The following LPGAT1 variants were observed in gnomAD, a reference collection of about 807,000 sequenced individuals.
The protein encoded by LPGAT1 is acyl-CoA:lysophosphatidylglycerol acyltransferase 1.
Under a neutral mutation model 47.5 loss-of-function variants are expected in LPGAT1, and 11 were observed. The observed-to-expected ratio is 0.23, with a 90% CI of 0.15 to 0.38. The LOEUF is 0.38. Among genes scored for constraint, LPGAT1 ranks in the 10% least tolerant of loss-of-function variants. The pLI, the probability that LPGAT1 is intolerant of heterozygous loss-of-function variation, is 1.00. For synonymous variants in LPGAT1, 138 were observed against 144.2 expected (o/e 0.96, Z 0.31); for missense variants, 293 against 439.0 (o/e 0.67, Z 2.97).
chr1:211,830,757 C>A lies in LPGAT1; in HGVS notation c.-212G>T, dbSNP rs1660712615. 1.7e-6 allele frequency: 2 copies of A among 1,160,250 alleles called. No individual in the cohort carries two copies. Among genetic ancestry groups the A allele is most frequent in the Non-Finnish European group, 2.1e-6 (2 of 942,186 alleles). The allele number at this position is 1,160,250 out of a possible 1,614,324, so 71.9% of individuals were successfully genotyped here. ...TCCCCAAGGGCCCGGCCGCGTTCGCCCGGACTGGCGGGGAGGGGCGGCGGG... is the reference window on the plus strand; with the variant it reads ...TCCCCAAGGGCCCGGCCGCGTTCGCACGGACTGGCGGGGAGGGGCGGCGGG... On this transcript the variant is annotated 5_prime_UTR_variant, in exon 1 of 8. Coordinates refer to ENST00000366997, the MANE Select transcript of LPGAT1 (RefSeq NM_014873.3). This position sits in a 1 kb window ranked among gnomAD's most constrained non-coding sequence, Gnocchi z 5.9.
chr1:211,798,595 A>G (rs1659444051), intron 2 of LPGAT1, among the ~76,000 whole-genome samples: 1 of 152,118 alleles, frequency 6.6e-6, no homozygotes, highest in Non-Finnish European at 1.5e-5. Context: ...AAGGCAGAGG[A>G]TCTCTTGGGC....
chr1:211,814,043 G>A (rs1043779117), intron 2 of LPGAT1, among the ~76,000 whole-genome samples: 2 of 152,178 alleles, frequency 1.3e-5, no homozygotes, highest in African/African-American at 2.4e-5. Flanking sequence ...TTAGAATTGA[G>A]TGAAAATATC....
chr1:211,756,323 A>G (rs1657448308), intron 6 of LPGAT1, among the ~76,000 whole-genome samples: 1 of 152,150 alleles, frequency 6.6e-6, no homozygotes, highest in Non-Finnish European at 1.5e-5. Flanking sequence ...TAAGCTAACA[A>G]CAGAAAGATG....
Position 211,749,853 on chromosome 1 carries a change from GA to G in LPGAT1, c.*45del. On this transcript the variant is annotated 3_prime_UTR_variant, in exon 8 of 8. Coordinates refer to ENST00000366997, the MANE Select transcript of LPGAT1 (RefSeq NM_014873.3). ...TGTAAAATAATGCACACTTATGAAA[GA>G]AAGTCTGAACTCCTACGGTGACCTT... is the stretch of plus-strand genomic sequence containing the variant. The G allele has an allele frequency of 1.3e-6, 2 of 1,586,004 alleles. No individual in the cohort carries two copies. The highest frequency in any genetic ancestry group is 1.7e-6 in the Non-Finnish European group (2 of 1,165,316).
chr1:211,812,654 A>T (rs563668905), intron 2 of LPGAT1, among the ~76,000 whole-genome samples: 1 of 152,100 alleles, frequency 6.6e-6, no homozygotes, highest in South Asian at 2.1e-4. Context: ...AGTTAAGAAT[A>T]TTGAGAGGAA....
chr1:211,796,310 G>A (rs1659348627), intron 2 of LPGAT1, among the ~76,000 whole-genome samples: 1 of 152,044 alleles, frequency 6.6e-6, no homozygotes, highest in South Asian at 2.1e-4. Flanking sequence ...GGATTAGGGT[G>A]GGCCCTAAAC....
chr1:211,818,036 T>C (rs1024262031), intron 2 of LPGAT1, among the ~76,000 whole-genome samples: 3 of 152,076 alleles, frequency 2.0e-5, no homozygotes, highest in African/African-American at 4.8e-5. Context: ...GTTTTCACCA[T>C]GTTGGCCAGG....
chr1:211,816,255 G>C (rs189361572), intron 2 of LPGAT1, among the ~76,000 whole-genome samples: 311 of 152,098 alleles, frequency 2.0e-3, no homozygotes, highest in South Asian at 5.6e-3. Context: ...ATGTGATTCC[G>C]TGGTTATGAT....
intron 2 of LPGAT1, among the ~76,000 whole-genome samples, chr1:211,825,953 C>T (rs993440003): frequency 1.1e-4 from 16 of 151,690 alleles, no homozygotes; most frequent in Admixed American, 1.0e-3. Flanking sequence ...GAGCAAGACT[C>T]CATCTCAAAA....
At chr1:211,822,273 T>TA (rs2102604991) in intron 2 of LPGAT1, among the ~76,000 whole-genome samples, 1 of 152,338 alleles carries the variant, frequency 6.6e-6, no homozygotes, top group Non-Finnish European at 1.5e-5. Context: ...AATAAGTATC[T>TA]AAAATAAATT....
At chr1:211,798,339 C>G (rs1659431559) in intron 2 of LPGAT1, among the ~76,000 whole-genome samples, 1 of 152,088 alleles carries the variant, frequency 6.6e-6, no homozygotes, top group African/African-American at 2.4e-5. Context: ...TCACTAGTAA[C>G]TAAAAGAGCC....
chr1:211,787,169 G>C (rs561647217), intron 4 of LPGAT1, among the ~76,000 whole-genome samples: 19 of 152,240 alleles, frequency 1.2e-4, no homozygotes, highest in African/African-American at 4.6e-4. Context: ...TGAAATAAAT[G>C]GTTAGGGAAC....
At chr1:211,765,391 C>T (rs1420172585) in intron 6 of LPGAT1, among the ~76,000 whole-genome samples, 1 of 152,014 alleles carries the variant, frequency 6.6e-6, no homozygotes, top group Non-Finnish European at 1.5e-5. Context: ...CTAGGTAGTC[C>T]TTCCATTTCT....
chr1:211,752,116 C>A (rs12145346), intron 6 of LPGAT1, among the ~76,000 whole-genome samples: 12,719 of 152,224 alleles, frequency 0.084, 652 homozygotes, highest in Admixed American at 0.15. Context: ...TGCTAAGCCA[C>A]GGAGTAAATC....
At chr1:211,829,030 G>A (rs1172729199) in intron 2 of LPGAT1, 29 bp downstream of exon 2, 2 of 1,601,884 alleles carry the variant, frequency 1.2e-6, no homozygotes, top group Middle Eastern at 1.7e-4. Context: ...TTTTTCTTAT[G>A]CATTAAAGAA....
chr1:211,804,341 C>G (rs115749199), intron 2 of LPGAT1, among the ~76,000 whole-genome samples: 2 of 152,204 alleles, frequency 1.3e-5, no homozygotes, highest in African/African-American at 4.8e-5. Context: ...TGAGCCACTA[C>G]ACCTGACAAA....
At chr1:211,768,707 A>C (rs1307174098) in intron 6 of LPGAT1, among the ~76,000 whole-genome samples, 3 of 152,230 alleles carry the variant, frequency 2.0e-5, no homozygotes, top group Non-Finnish European at 4.4e-5. Context: ...ATGAGCTTTG[A>C]ATACCATTTT....
intron 2 of LPGAT1, among the ~76,000 whole-genome samples, chr1:211,826,666 G>GATATATATATAT (rs10565966): frequency 9.9e-4 from 148 of 148,806 alleles, no homozygotes; most frequent in African/African-American, 3.5e-3. Flanking sequence ...TTTGGAAAAA[G>GATATATATATAT]ATATATATAT....
chr1:211,826,940 A>G (rs1419037135), intron 2 of LPGAT1, among the ~76,000 whole-genome samples: 1 of 152,176 alleles, frequency 6.6e-6, no homozygotes, highest in Non-Finnish European at 1.5e-5. Flanking sequence ...ATATTATCTA[A>G]AGAAAGGCTA....
Sources: allele counts gnomAD v4.1 joint callset (sites outside exome capture counted in the v4.1 genomes callset), GRCh38; gene constraint gnomAD v4.1.1; non-coding constraint Gnocchi (gnomAD v3.1); transcripts MANE v1.5; gene names NCBI Gene and HGNC (gene_info 2026-07-23, HGNC 2026-07-21).